Variants in DOCK4 observed in about 807,000 individuals in gnomAD.
The protein encoded by DOCK4 is dedicator of cytokinesis 4, also known as dedicator of cytokinesis protein 4.
DOCK4 carries 97 observed loss-of-function variants against 268.1 expected under a neutral mutation model. The observed-to-expected ratio is 0.36, with a 90% CI of 0.31 to 0.43. DOCK4 has a LOEUF of 0.43. Among genes scored for constraint, DOCK4 ranks in the 20% least tolerant of loss-of-function variants. DOCK4 has a pLI of 1.00. For missense variants in DOCK4, 2,145 were observed against 2,455.7 expected, an observed-to-expected ratio of 0.87 and a Z score of 2.67; for synonymous variants, 954 against 887.2, an observed-to-expected ratio of 1.08 and a Z score of -1.34.
At chr7:112,128,680 G>A (rs371563126) in intron 1 of DOCK4, among the ~76,000 whole-genome samples, 8 of 152,102 alleles carry the variant, frequency 5.3e-5, no homozygotes, top group Admixed American at 3.9e-4. Flanking sequence ...TAAGGGCGGT[G>A]CAAGATGTGC....
intron 1 of DOCK4, among the ~76,000 whole-genome samples, chr7:112,083,414 G>A (rs899411363): frequency 7.2e-5 from 11 of 151,926 alleles, no homozygotes; most frequent in African/African-American, 2.2e-4. Flanking sequence ...ATAGTATAAC[G>A]TATGACCCAG....
intron 50 of DOCK4, among the ~76,000 whole-genome samples, chr7:111,736,508 AAAC>A (rs1795488731): frequency 6.6e-6 from 1 of 152,188 alleles, no homozygotes; most frequent in Non-Finnish European, 1.5e-5. Flanking sequence ...GAGTCACAAC[AAAC>A]AACACATGAG....
intron 41 of DOCK4, among the ~76,000 whole-genome samples, chr7:111,757,677 C>A (rs1051850257): frequency 1.3e-5 from 2 of 152,102 alleles, no homozygotes; most frequent in African/African-American, 4.8e-5. Flanking sequence ...CTTCTGATCT[C>A]CTCTCGGTTG....
intron 23 of DOCK4, among the ~76,000 whole-genome samples, chr7:111,856,818 T>A (rs1264904594): frequency 6.6e-6 from 1 of 152,170 alleles, no homozygotes; most frequent in African/African-American, 2.4e-5. Flanking sequence ...AGCCAAAGGC[T>A]TTCTTGAGGT....
intron 8 of DOCK4, among the ~76,000 whole-genome samples, chr7:111,962,832 A>G (rs1797036263): frequency 6.6e-6 from 1 of 152,240 alleles, no homozygotes; most frequent in South Asian, 2.1e-4. Flanking sequence ...TGAATAAGTT[A>G]CAAGCAGACA....
In DOCK4 at chr7:111,856,320, C is replaced by T. The variant is rs149176872; in HGVS notation, c.2473+7052G>A. On this transcript the variant is annotated intron_variant, in intron 23 of 52. Coordinates refer to ENST00000428084, the MANE Select transcript of DOCK4 (RefSeq NM_001363540.2). ...GTGAGTTTACATTTGTTTTCAAAAC[C>T]CACAGTTAAAACCTAGGGGCAACTA... Among the ~76,000 whole-genome samples the T allele has an allele frequency of 3.9e-3, 595 of 152,208 alleles. 6 individuals carry two copies. The highest frequency in any genetic ancestry group is 0.014 in the African/African-American group (573 of 41,514).
At chr7:111,859,562 A>ATTTT (rs140285833) in intron 23 of DOCK4, among the ~76,000 whole-genome samples, 4 of 102,154 alleles carry the variant, frequency 3.9e-5, no homozygotes, top group Non-Finnish European at 7.4e-5. Context: ...GTGTGTGTTA[A>ATTTT]TTTTTTTTTT....
intron 12 of DOCK4, among the ~76,000 whole-genome samples, chr7:111,918,178 A>C (rs1247881596): frequency 6.6e-6 from 1 of 152,198 alleles, no homozygotes; most frequent in Non-Finnish European, 1.5e-5. Flanking sequence ...AGGGGCAATA[A>C]ACAAAGAAAA....
At chr7:112,000,688 A>G (rs1469049519) in intron 2 of DOCK4, among the ~76,000 whole-genome samples, 154 bp from the exon 3 acceptor site, 1 of 152,240 alleles carries the variant, frequency 6.6e-6, no homozygotes, top group East Asian at 1.9e-4. Context: ...GCTACAAAAT[A>G]GCTCGAGTGA....
chr7:112,191,769 G>GC (rs1819974173), intron 1 of DOCK4, among the ~76,000 whole-genome samples: 1 of 151,852 alleles, frequency 6.6e-6, no homozygotes, highest in Non-Finnish European at 1.5e-5. Context: ...CAAATTACTG[G>GC]CCCTCTCTAG....
At chr7:111,962,109 C>A (rs565293834) in intron 8 of DOCK4, among the ~76,000 whole-genome samples, 1 of 151,992 alleles carries the variant, frequency 6.6e-6, no homozygotes, top group African/African-American at 2.4e-5. Context: ...TCTTCCATTG[C>A]GGAAGTATTT....
At chr7:111,882,939 CCTCT>C (rs906069759) in intron 16 of DOCK4, among the ~76,000 whole-genome samples, 1 of 152,090 alleles carries the variant, frequency 6.6e-6, no homozygotes, top group African/African-American at 2.4e-5. Context: ...TTAGGAAAGA[CCTCT>C]CTAACAAGTT....
chr7:111,925,606 C>A (rs1380628203), intron 12 of DOCK4, among the ~76,000 whole-genome samples: 4 of 152,120 alleles, frequency 2.6e-5, no homozygotes. Context: ...GTGTTAATTA[C>A]ATGATGAAAG....
At chr7:111,739,537 G>T in intron 47 of DOCK4, 60 bp from the exon 48 acceptor site, 2 of 1,378,694 alleles carry the variant, frequency 1.5e-6, no homozygotes, top group Non-Finnish European at 2.0e-6. Context: ...CGACACTGAC[G>T]TATTTGAAAC....
At chr7:111,825,627 G>A (rs1802334544) in intron 26 of DOCK4, among the ~76,000 whole-genome samples, 2 of 152,170 alleles carry the variant, frequency 1.3e-5, no homozygotes, top group African/African-American at 4.8e-5. Context: ...GGCAGAATGG[G>A]AGCAGTTTCT....
intron 44 of DOCK4, among the ~76,000 whole-genome samples, chr7:111,744,835 T>C (rs1157106030): frequency 6.6e-6 from 1 of 152,102 alleles, no homozygotes; most frequent in Non-Finnish European, 1.5e-5. Context: ...TTCTCTCTCT[T>C]CTGTGGCCAC....
chr7:112,154,388 AC>A (rs1379724996), intron 1 of DOCK4, among the ~76,000 whole-genome samples: 1 of 152,240 alleles, frequency 6.6e-6, no homozygotes, highest in South Asian at 2.1e-4. Flanking sequence ...TGCTGCTTTC[AC>A]AACTAAGAGC....
At chr7:111,773,106 A>C (rs1209901051) in intron 36 of DOCK4, among the ~76,000 whole-genome samples, 2 of 152,238 alleles carry the variant, frequency 1.3e-5, no homozygotes, top group Non-Finnish European at 2.9e-5. Flanking sequence ...GTAAATTTTT[A>C]TTAATCCCAT....
At chr7:112,076,461 T>C (rs565710414) in intron 1 of DOCK4, among the ~76,000 whole-genome samples, 6 of 152,242 alleles carry the variant, frequency 3.9e-5, no homozygotes, top group African/African-American at 1.4e-4. Context: ...TAGAACACCT[T>C]GGCACACTTC....
Sources: allele counts gnomAD v4.1 joint callset (sites outside exome capture counted in the v4.1 genomes callset), GRCh38; gene constraint gnomAD v4.1.1; transcripts MANE v1.5; gene names NCBI Gene and HGNC (gene_info 2026-07-23, HGNC 2026-07-21).